TRPM6: variants seen among roughly 807,000 people sequenced by gnomAD.
TRPM6 encodes the protein channel kinase 2.
TRPM6 carries 111 observed loss-of-function variants against 247.6 expected under a neutral mutation model. That is an observed-to-expected ratio of 0.45 (90% confidence interval 0.38 to 0.52). The LOEUF is 0.52. Ranked by LOEUF, TRPM6 falls within the 20% of genes least tolerant of loss-of-function variation. TRPM6 has a pLI of 0.00. For missense variants in TRPM6, 2,126 were observed against 2,421.5 expected (o/e 0.88, Z 2.56); for synonymous variants, 892 against 853.8 (o/e 1.04, Z -0.78).
At chr9:74,730,518 T>C (rs750087416) in intron 37 of TRPM6, among the ~76,000 whole-genome samples, 31 of 152,196 alleles carry the variant, frequency 2.0e-4, no homozygotes, top group Non-Finnish European at 4.1e-4. Context: ...CCTTTCATTG[T>C]TGTTGCAAAG....
At chr9:74,856,714 G>A (rs1428059787) in intron 2 of TRPM6, among the ~76,000 whole-genome samples, 1 of 151,904 alleles carries the variant, frequency 6.6e-6, no homozygotes, top group Non-Finnish European at 1.5e-5. Context: ...GTTTCTTATT[G>A]GGAGCTACAA....
intron 3 of TRPM6, among the ~76,000 whole-genome samples, chr9:74,846,811 C>A (rs1029684816): frequency 2.0e-5 from 3 of 152,132 alleles, no homozygotes; most frequent in Non-Finnish European, 2.9e-5. Flanking sequence ...GGCCTTCCAA[C>A]GTGCTGGGAT....
rs771854897 is a variant in TRPM6 at position 74,834,085 on chromosome 9, A to G, written c.582T>C (p.His194=). Residue 194 remains histidine (H), a synonymous_variant, in exon 6 of 39, where the codon CAT becomes CAC. Transcript: ENST00000360774. ...AGATTTTTCTCAAGGAATGAGAGGAATGGGATTTCAAGGCATCCCCAACAT... is the reference window on the plus strand; with the variant it reads ...AGATTTTTCTCAAGGAATGAGAGGAGTGGGATTTCAAGGCATCCCCAACAT... ...SKHVGDALKS[H]SSHSLRKIWT... The G allele has an allele frequency of 6.2e-7, 1 of 1,614,098 alleles. No homozygotes were observed. Among genetic ancestry groups the G allele is most frequent in the South Asian group, 1.1e-5 (1 of 91,082 alleles).
At chr9:74,744,182 G>A in intron 31 of TRPM6, 37 bp from the exon 32 acceptor site, 1 of 1,591,588 alleles carries the variant, frequency 6.3e-7, no homozygotes, top group Non-Finnish European at 8.6e-7. Flanking sequence ...TTAATTACAT[G>A]GCTGGAGATA....
At chr9:74,807,442 A>G (rs1330358897) in intron 14 of TRPM6, among the ~76,000 whole-genome samples, 1 of 152,216 alleles carries the variant, frequency 6.6e-6, no homozygotes, top group Non-Finnish European at 1.5e-5. Context: ...CTAATCCATA[A>G]TGGCAATTTC....
chr9:74,776,379 A>G (rs142104862), intron 23 of TRPM6, among the ~76,000 whole-genome samples: 1 of 152,254 alleles, frequency 6.6e-6, no homozygotes, highest in East Asian at 1.9e-4. Flanking sequence ...CACTACTCTC[A>G]AGTCACCATC....
At chr9:74,771,497 T>C (rs1827039882) in intron 25 of TRPM6, among the ~76,000 whole-genome samples, 1 of 152,244 alleles carries the variant, frequency 6.6e-6, no homozygotes. Context: ...TAACCACTTA[T>C]TCCTAGTAAC....
At chr9:74,726,321 C>A (rs1043182280) in intron 38 of TRPM6, among the ~76,000 whole-genome samples, 1 of 152,138 alleles carries the variant, frequency 6.6e-6, no homozygotes, top group Non-Finnish European at 1.5e-5. Flanking sequence ...ACCAGGCTGG[C>A]CGATGTGGTG....
At chr9:74,742,540 G>T (rs761746475) in intron 33 of TRPM6, 21 bp downstream of exon 33, 1 of 1,610,396 alleles carries the variant, frequency 6.2e-7, no homozygotes, top group Non-Finnish European at 8.5e-7. Flanking sequence ...ATAAACTCAA[G>T]AAGGTAGAAA....
At chr9:74,870,474 C>T (rs905873492) in intron 1 of TRPM6, among the ~76,000 whole-genome samples, 17 of 152,148 alleles carry the variant, frequency 1.1e-4, no homozygotes, top group African/African-American at 4.1e-4. Flanking sequence ...GGAGGAAAAA[C>T]AAGATAACAC....
chr9:74,883,572 G>GA (rs1014678120), intron 1 of TRPM6, among the ~76,000 whole-genome samples: 14 of 152,146 alleles, frequency 9.2e-5, no homozygotes, highest in Admixed American at 5.2e-4. Context: ...CTATACCTAT[G>GA]ATCTTGATCA....
chr9:74,801,177 A>G (rs1029311439), intron 16 of TRPM6, among the ~76,000 whole-genome samples: 3 of 150,602 alleles, frequency 2.0e-5, no homozygotes, highest in Non-Finnish European at 1.5e-5. Context: ...GCCTCAATCA[A>G]TCCTCCCACC....
chr9:74,874,752 T>C (rs1831138361), intron 1 of TRPM6, among the ~76,000 whole-genome samples: 1 of 147,798 alleles, frequency 6.8e-6, no homozygotes, highest in Non-Finnish European at 1.5e-5. Flanking sequence ...TAACATTTTG[T>C]AATTGTATTT....
intron 7 of TRPM6, among the ~76,000 whole-genome samples, chr9:74,825,855 G>A (rs750614652): frequency 7.2e-5 from 11 of 151,908 alleles, no homozygotes; most frequent in Non-Finnish European, 1.2e-4. Flanking sequence ...CTCTCTATAC[G>A]GATTCTTCTT....
intron 19 of TRPM6, 62 bp from the exon 20 acceptor site, chr9:74,788,804 G>A: frequency 1.3e-6 from 2 of 1,593,546 alleles, no homozygotes; most frequent in Non-Finnish European, 1.7e-6. Flanking sequence ...ATGCCAAGGA[G>A]ACGCAGATGG....
At position 74,762,808 on chromosome 9, in the gene TRPM6, C is replaced by T. The variant is rs147635290; in HGVS notation, c.3863G>A (p.Gly1288Glu). 591 of 1,614,158 alleles carry T rather than the reference C, an allele frequency of 3.7e-4. 2 individuals are homozygous for T. Among genetic ancestry groups the T allele is most frequent in the Middle Eastern group, 3.3e-3 (20 of 6,062 alleles). Reference sequence around the variant, plus strand: ...CTGCACTCTTGGGGGATGCCGGCCTCCAGCCAGGCTCCTCAGCAAAGAAGA... The same window carrying T: ...CTGCACTCTTGGGGGATGCCGGCCTTCAGCCAGGCTCCTCAGCAAAGAAGA... ...MPSSLLRSLAGGRHPPRVQRG... is the reference protein window; with the variant it reads ...MPSSLLRSLAEGRHPPRVQRG... The change falls in exon 26 of 39, where the codon GGA becomes GAA. Residue 1288 changes from glycine (G) to glutamate (E), a missense_variant. Physicochemically the swap from Gly to Glu is moderately conservative, Grantham distance 98. Around this residue, in one of 3 missense-constraint regions of TRPM6, gnomAD observed 717 missense variants for 715.9 expected, o/e 1.00. Transcript: ENST00000360774.
chr9:74,726,465 GC>G (rs2118666551), intron 38 of TRPM6, among the ~76,000 whole-genome samples: 1 of 152,192 alleles, frequency 6.6e-6, no homozygotes, highest in African/African-American at 2.4e-5. Flanking sequence ...AGCCGAGATT[GC>G]CCCACTACAC....
chr9:74,726,971 G>T (rs1005187701), intron 38 of TRPM6, among the ~76,000 whole-genome samples: 12 of 152,136 alleles, frequency 7.9e-5, no homozygotes, highest in African/African-American at 2.9e-4. Context: ...CTGGCCAGTT[G>T]TGAGAGTTAT....
intron 15 of TRPM6, among the ~76,000 whole-genome samples, chr9:74,803,370 C>T (rs941524006): frequency 6.6e-6 from 1 of 151,602 alleles, no homozygotes; most frequent in East Asian, 1.9e-4. Flanking sequence ...TCAAGAAAGC[C>T]TCAAAAAGGA....
Sources: allele counts gnomAD v4.1 joint callset (sites outside exome capture counted in the v4.1 genomes callset), GRCh38; gene constraint gnomAD v4.1.1; regional missense constraint gnomAD v4.1.1; transcripts MANE v1.5; gene names NCBI Gene and HGNC (gene_info 2026-07-23, HGNC 2026-07-21).